SAMMSON: variants seen among roughly 807,000 people sequenced by gnomAD.
SAMMSON encodes the protein long intergenic non-protein coding RNA 1212.
chr3:70,302,021 A>G (rs1046758529), intron 7 of SAMMSON, among the ~76,000 whole-genome samples: 16 of 152,094 alleles, frequency 1.1e-4, no homozygotes, highest in Non-Finnish European at 2.4e-4. Context: ...TGGTGTGGAA[A>G]TTTAGCTCAA....
chr3:70,251,790 G>A (rs142274029), intron 6 of SAMMSON, among the ~76,000 whole-genome samples: 4 of 152,302 alleles, frequency 2.6e-5, no homozygotes, highest in African/African-American at 9.6e-5. Context: ...CACACCTGCA[G>A]CTTTGAGTCA....
At chr3:70,033,194 TA>T (rs141489545) in intron 3 of SAMMSON, among the ~76,000 whole-genome samples, 3,299 of 152,304 alleles carry the variant, frequency 0.022, 115 homozygotes, top group African/African-American at 0.075. Context: ...ATAACCTTGA[TA>T]ATGCAGCTTT....
chr3:70,045,029 ATATAT>A (rs2067119398), intron 3 of SAMMSON, among the ~76,000 whole-genome samples: 1 of 124,514 alleles, frequency 8.0e-6, no homozygotes, highest in South Asian at 2.3e-4. Flanking sequence ...TAATTATAAT[ATATAT>A]TATAATTAAT....
intron 3 of SAMMSON, among the ~76,000 whole-genome samples, chr3:70,041,042 A>G (rs964661782): frequency 6.6e-6 from 1 of 152,154 alleles, no homozygotes; most frequent in African/African-American, 2.4e-5. Context: ...ATGTTCTTGC[A>G]GTAAATTTGA....
intron 9 of SAMMSON, among the ~76,000 whole-genome samples, chr3:70,377,015 C>T (rs1322478016): frequency 1.3e-5 from 2 of 152,094 alleles, no homozygotes. Flanking sequence ...AAAGCAAAGG[C>T]ATACCATTCT....
chr3:70,176,189 C>A (rs1181156663), intron 4 of SAMMSON, among the ~76,000 whole-genome samples: 1 of 152,038 alleles, frequency 6.6e-6, no homozygotes, highest in Non-Finnish European at 1.5e-5. Context: ...GAGGACCAGG[C>A]AAATCATGGA....
chr3:70,057,835 T>G (rs1244952786), intron 3 of SAMMSON, among the ~76,000 whole-genome samples: 1 of 152,032 alleles, frequency 6.6e-6, no homozygotes, highest in Non-Finnish European at 1.5e-5. Context: ...AATTCCCCCA[T>G]GCAGTGGGCA....
intron 6 of SAMMSON, chr3:70,291,042 A>T (rs6779540): frequency 0.47 from 72,141 of 152,852 alleles, 17,651 homozygotes; most frequent in East Asian, 0.81. Context: ...CGCTGGGAGC[A>T]GTAGACCAGA....
At chr3:70,341,824 C>T (rs374154813) in intron 7 of SAMMSON, among the ~76,000 whole-genome samples, 21 of 142,280 alleles carry the variant, frequency 1.5e-4, no homozygotes, top group African/African-American at 4.9e-4. Flanking sequence ...GTCTAGCACA[C>T]GATAGGCACT....
rs112907805 is a variant in SAMMSON, at chr3:70,235,750, G to A, written n.508-13357G>A. ...ATCAGGCCATTGATAATTTATTGCT[G>A]TATGACTTAGGACAAATTATCCCTT... On this transcript the variant is annotated intron_variant and non_coding_transcript_variant, in intron 4 of 9. Transcript: ENST00000642114. Among the ~76,000 whole-genome samples, 1,006 of 152,276 alleles carry A rather than the reference G, an allele frequency of 6.6e-3. 12 individuals carry two copies. The highest frequency in any genetic ancestry group is 0.023 in the African/African-American group (944 of 41,566).
intron 4 of SAMMSON, among the ~76,000 whole-genome samples, chr3:70,096,876 T>C (rs1050770781): frequency 5.3e-5 from 8 of 152,196 alleles, no homozygotes; most frequent in Admixed American, 1.3e-4. Context: ...TGTTGAGAGA[T>C]GTCTATGGCC....
intron 2 of SAMMSON, among the ~76,000 whole-genome samples, chr3:70,401,302 G>C (rs1047084123): frequency 6.7e-6 from 1 of 148,674 alleles, no homozygotes; most frequent in African/African-American, 2.6e-5. Context: ...TTGTAGATTA[G>C]CCAATAACTT....
In SAMMSON at chr3:70,261,977, A is replaced by G. The variant is rs76512240; in HGVS notation, n.674+12307A>G. Among the ~76,000 whole-genome samples, 451 of 152,130 alleles carry G rather than the reference A, an allele frequency of 3.0e-3. 4 individuals are homozygous for G. The highest frequency in any genetic ancestry group is 0.018 in the Admixed American group (268 of 15,262). ...GCCCTGCCAGCACTTCTGCATACCA[A>G]CCTGTCCTTCCTTACCCATAAGAGT... On this transcript the variant is annotated intron_variant and non_coding_transcript_variant, in intron 6 of 9. Transcript: ENST00000642114.
At chr3:70,030,676 A>G (rs1427358569) in intron 3 of SAMMSON, 1 of 152,170 alleles carries the variant, frequency 6.6e-6, no homozygotes, top group Non-Finnish European at 1.5e-5. Context: ...TCTAACACCA[A>G]AACCCAATGC....
intron 2 of SAMMSON, among the ~76,000 whole-genome samples, chr3:70,424,570 A>G (rs1294687447): frequency 6.6e-6 from 1 of 152,128 alleles, no homozygotes; most frequent in Non-Finnish European, 1.5e-5. Context: ...AAAATTATGG[A>G]TTTGAGACCA....
intron 3 of SAMMSON, among the ~76,000 whole-genome samples, chr3:70,042,723 C>A (rs1008605291): frequency 6.6e-6 from 1 of 152,042 alleles, no homozygotes; most frequent in Non-Finnish European, 1.5e-5. Flanking sequence ...AAGGACTGTG[C>A]GTTTAATGTT....
At chr3:70,399,933 T>A (rs548396709) in intron 2 of SAMMSON, among the ~76,000 whole-genome samples, 2 of 148,102 alleles carry the variant, frequency 1.4e-5, no homozygotes, top group East Asian at 1.9e-4. Flanking sequence ...TTTGTGTATA[T>A]CAGTTTTTCT....
At chr3:70,040,643 A>G (rs1272617776) in intron 3 of SAMMSON, among the ~76,000 whole-genome samples, 7 of 152,034 alleles carry the variant, frequency 4.6e-5, no homozygotes, top group African/African-American at 9.7e-5. Context: ...GCAGTAAGAG[A>G]GATGAGAAGT....
rs994175260 is a variant in SAMMSON at position 70,040,827 on chromosome 3, A to G, written n.417+27155A>G. Among the ~76,000 whole-genome samples the G allele has an allele frequency of 2.0e-5, 3 of 152,134 alleles. No individual in the cohort carries two copies. In the East Asian group the frequency reaches 5.8e-4, roughly 29 times the overall value. ...TCTCAACTTCATTTTTGTATGCCAT[A>G]ATCAGGATGCAAATCAAAGTCTCTG... On this transcript the variant is annotated intron_variant and non_coding_transcript_variant, in intron 3 of 9. Coordinates refer to ENST00000642114, the Ensembl canonical transcript of SAMMSON.
Sources: allele counts gnomAD v4.1 joint callset (sites outside exome capture counted in the v4.1 genomes callset), GRCh38; gene constraint gnomAD v4.1.1; transcripts MANE v1.5; gene names NCBI Gene and HGNC (gene_info 2026-07-23, HGNC 2026-07-21).